ADIPOR2: variants seen among roughly 807,000 people sequenced by gnomAD.
ADIPOR2 encodes the protein adiponectin receptor protein 2.
A neutral mutation model predicts 40.9 loss-of-function variants in ADIPOR2; 18 were observed. That is an observed-to-expected ratio of 0.44 (90% CI 0.30 to 0.65). The LOEUF (loss-of-function observed/expected upper bound fraction) is 0.65. Ranked by LOEUF, ADIPOR2 falls within the 30% of genes least tolerant of loss-of-function variation. ADIPOR2 has a pLI of 0.09. For missense variants in ADIPOR2, 283 were observed against 479.2 expected (o/e 0.59, Z 3.82); for synonymous variants, 165 against 166.4 (o/e 0.99, Z 0.06).
At chr12:1,778,098 A>G (rs1035188663) in intron 4 of ADIPOR2, 73 bp downstream of exon 4, 10 of 1,460,352 alleles carry the variant, frequency 6.8e-6, no homozygotes, top group African/African-American at 1.4e-5. Flanking sequence ...TTTGAGGGTA[A>G]GCACAGAACT....
intron 3 of ADIPOR2, among the ~76,000 whole-genome samples, chr12:1,776,159 T>A (rs1848762846): frequency 6.6e-6 from 1 of 152,174 alleles, no homozygotes; most frequent in Admixed American, 6.5e-5. Flanking sequence ...TCTTAAATTG[T>A]TAGTCCTCAC....
intron 1 of ADIPOR2, among the ~76,000 whole-genome samples, chr12:1,738,343 A>G (rs1281020415): frequency 6.6e-6 from 1 of 151,088 alleles, no homozygotes; most frequent in Non-Finnish European, 1.5e-5. Context: ...TGATTGCACT[A>G]CTGTGCCCAG....
intron 1 of ADIPOR2, among the ~76,000 whole-genome samples, chr12:1,701,063 A>G (rs973064230): frequency 6.6e-6 from 1 of 151,736 alleles, no homozygotes; most frequent in East Asian, 1.9e-4. Flanking sequence ...AGTTGAAGCA[A>G]CTTCTTGGAT....
chr12:1,764,787 A>C (rs183063762), intron 2 of ADIPOR2, among the ~76,000 whole-genome samples: 52 of 152,198 alleles, frequency 3.4e-4, no homozygotes, highest in African/African-American at 1.1e-3. Flanking sequence ...CATTGTAATC[A>C]TTCCATATGT....
chr12:1,717,321 T>C (rs1330880187), intron 1 of ADIPOR2, among the ~76,000 whole-genome samples: 1 of 152,220 alleles, frequency 6.6e-6, no homozygotes, highest in Non-Finnish European at 1.5e-5. Flanking sequence ...AAGTATTGCC[T>C]TTTTATCCTT....
intron 6 of ADIPOR2, among the ~76,000 whole-genome samples, chr12:1,781,756 C>T (rs924307944): frequency 2.6e-5 from 4 of 152,158 alleles, no homozygotes; most frequent in African/African-American, 4.8e-5. Flanking sequence ...TTTTTCCTTT[C>T]GTCCTTAAAC....
At chr12:1,712,484 A>G (rs1446466026) in intron 1 of ADIPOR2, among the ~76,000 whole-genome samples, 2 of 152,130 alleles carry the variant, frequency 1.3e-5, no homozygotes, top group Non-Finnish European at 2.9e-5. Flanking sequence ...CAGTGAGGCT[A>G]GCCTTTTGCC....
At chr12:1,747,210 G>A (rs2094757449) in intron 1 of ADIPOR2, among the ~76,000 whole-genome samples, 1 of 152,082 alleles carries the variant, frequency 6.6e-6, no homozygotes, top group African/African-American at 2.4e-5. Context: ...CATATACTAT[G>A]CCATAAAATT....
intron 1 of ADIPOR2, among the ~76,000 whole-genome samples, chr12:1,711,810 C>T (rs930285181): frequency 6.6e-6 from 1 of 152,112 alleles, no homozygotes; most frequent in African/African-American, 2.4e-5. Flanking sequence ...CAGTGTAAGA[C>T]TGCCACCTCC....
intron 1 of ADIPOR2, among the ~76,000 whole-genome samples, chr12:1,710,670 C>G (rs1037591532): frequency 6.6e-6 from 1 of 151,988 alleles, no homozygotes; most frequent in African/African-American, 2.4e-5. Flanking sequence ...GCCTGTACTT[C>G]TGGGCTGAGC....
intron 1 of ADIPOR2, among the ~76,000 whole-genome samples, chr12:1,702,227 A>G (rs2094651820): frequency 6.6e-6 from 1 of 152,228 alleles, no homozygotes; most frequent in Non-Finnish European, 1.5e-5. Context: ...TGCAAACAAT[A>G]AGGATAAAAT....
At position 1,788,327 on chromosome 12, in the gene ADIPOR2, CAT is replaced by C. The variant is rs1353631821; in HGVS notation, c.*2256_*2257del. ...ACGTGCAGCTCACTACCAACAGCCT[CAT>C]GTGCACTTGACCTGACAGTGCTCGC... is the stretch of plus-strand genomic sequence containing the variant. On this transcript the variant is annotated 3_prime_UTR_variant, in exon 8 of 8. Transcript: ENST00000357103. 2 of 152,832 alleles carry C rather than the reference CAT, an allele frequency of 1.3e-5. No individual in the cohort carries two copies. Among genetic ancestry groups the C allele is most frequent in the African/African-American group, 2.4e-5 (1 of 41,594 alleles). 9.5% of individuals were successfully genotyped at this position (152,832 alleles called of 1,614,324 possible).
At chr12:1,711,655 ACTT>A (rs2094677431) in intron 1 of ADIPOR2, among the ~76,000 whole-genome samples, 2 of 135,362 alleles carry the variant, frequency 1.5e-5, no homozygotes, top group African/African-American at 5.7e-5. Flanking sequence ...TCTCTTTCTG[ACTT>A]CTTTTCTGTC....
chr12:1,728,958 G>GTTTTTTTTTTTTTTTTTTTT, intron 1 of ADIPOR2, among the ~76,000 whole-genome samples: 1 of 110,054 alleles, frequency 9.1e-6, no homozygotes, highest in African/African-American at 3.5e-5. Context: ...GTTCTGGACT[G>GTTTTTTTTTTTTTTTTTTTT]TTTTTTTTTT....
chr12:1,716,157 T>C (rs1002271660), intron 1 of ADIPOR2, among the ~76,000 whole-genome samples: 1 of 152,272 alleles, frequency 6.6e-6, no homozygotes, highest in East Asian at 1.9e-4. Context: ...CACATAAAGA[T>C]GAGGAAAATT....
At chr12:1,709,216 A>G (rs1378592969) in intron 1 of ADIPOR2, among the ~76,000 whole-genome samples, 2 of 152,194 alleles carry the variant, frequency 1.3e-5, no homozygotes, top group East Asian at 1.9e-4. Flanking sequence ...TTTAAAAAAT[A>G]TTGAGTCTTC....
At chr12:1,758,494 C>A (rs777782834) in intron 2 of ADIPOR2, among the ~76,000 whole-genome samples, 5 of 152,078 alleles carry the variant, frequency 3.3e-5, no homozygotes, top group African/African-American at 1.2e-4. Context: ...TGAAAATTTG[C>A]GTGTGTATGT....
intron 2 of ADIPOR2, among the ~76,000 whole-genome samples, chr12:1,755,312 CT>C (rs917857467): frequency 3.3e-5 from 5 of 152,036 alleles, no homozygotes; most frequent in Non-Finnish European, 7.4e-5. Flanking sequence ...TCTCAACCTC[CT>C]TATCCACCTG....
At chr12:1,703,036 G>T (rs1412673553) in intron 1 of ADIPOR2, 1 of 152,164 alleles carries the variant, frequency 6.6e-6, no homozygotes. Flanking sequence ...AAACTCTTAG[G>T]AACTCTCATA....
Sources: gnomAD v4.1 joint callset for allele counts (sites outside exome capture counted in the v4.1 genomes callset) on GRCh38, gnomAD v4.1.1 for gene constraint, MANE v1.5 for transcripts, NCBI Gene and HGNC (gene_info 2026-07-23, HGNC 2026-07-21) for gene names.